Variants in PDE1C observed in about 807,000 individuals in gnomAD.
The protein encoded by PDE1C is dual specificity calcium/calmodulin-dependent 3',5'-cyclic nucleotide phosphodiesterase 1C.
Under a neutral mutation model 93.1 loss-of-function variants are expected in PDE1C, and 62 were observed. That is an observed-to-expected ratio of 0.67 (90% CI 0.54 to 0.82). PDE1C has a LOEUF of 0.82. Ranked by LOEUF, PDE1C falls within the 40% of genes least tolerant of loss-of-function variation. The pLI, the probability that PDE1C is intolerant of heterozygous loss-of-function variation, is 0.00. For synonymous variants in PDE1C, 325 were observed against 310.1 expected, an observed-to-expected ratio of 1.05 and a Z score of -0.50; for missense variants, 742 against 884.6, an observed-to-expected ratio of 0.84 and a Z score of 2.04.
intron 2 of PDE1C, among the ~76,000 whole-genome samples, chr7:31,950,644 T>C (rs1272508566): frequency 2.0e-5 from 3 of 152,188 alleles, no homozygotes; most frequent in Non-Finnish European, 4.4e-5. Context: ...GTTACAGCAA[T>C]AAACTTGAAT....
Position 31,964,861 on chromosome 7 carries a change from C to T in PDE1C, c.129-84001G>A, listed in dbSNP as rs549987615. ...CAGGCAAACAGGGTCTGGAGTGGAC[C>T]TCCGGCAAACTCCAACAGACCTACA... On this transcript the variant is annotated intron_variant, in intron 2 of 17. Transcript: ENST00000396191. 1.2e-3 allele frequency among the ~76,000 whole-genome samples: 188 copies of T among 152,310 alleles called. 1 individual carries two copies. The South Asian group carries it at 0.038, about 31-fold the overall frequency.
At chr7:31,626,715 CTTG>C in the PDE1C span, among the ~76,000 whole-genome samples, 121 of 152,296 alleles carry the variant, frequency 7.9e-4, no homozygotes, top group African/African-American at 2.6e-3. Context: ...CCCCAAAACT[CTTG>C]TTGTGGCAGT....
intron 2 of PDE1C, among the ~76,000 whole-genome samples, chr7:32,014,383 C>T (rs796779879): frequency 5.3e-5 from 8 of 152,282 alleles, no homozygotes; most frequent in Middle Eastern, 3.4e-3. Flanking sequence ...ATTGTTTTAA[C>T]GCCCACAAAT....
intron 2 of PDE1C, among the ~76,000 whole-genome samples, chr7:31,965,930 G>T (rs1010580851): frequency 6.6e-6 from 1 of 152,080 alleles, no homozygotes; most frequent in South Asian, 2.1e-4. Flanking sequence ...TCACCACCAG[G>T]CCTGCCCTAA....
chr7:32,224,500 G>A (rs1050446668), intron 1 of PDE1C, among the ~76,000 whole-genome samples: 10 of 152,044 alleles, frequency 6.6e-5, no homozygotes, highest in Admixed American at 5.2e-4. Context: ...CTCACTCCTC[G>A]GGGTTGTCAG....
the PDE1C span, among the ~76,000 whole-genome samples, chr7:31,665,267 A>C: frequency 6.6e-6 from 1 of 152,158 alleles, no homozygotes; most frequent in Admixed American, 6.5e-5. Context: ...CTTCAAAAAG[A>C]CTTCATTGAC....
At chr7:32,002,997 C>A (rs1396778014) in intron 2 of PDE1C, among the ~76,000 whole-genome samples, 1 of 152,190 alleles carries the variant, frequency 6.6e-6, no homozygotes, top group East Asian at 1.9e-4. Context: ...ATAAAGCTAA[C>A]TTATGCTCTG....
intron 2 of PDE1C, among the ~76,000 whole-genome samples, chr7:31,909,198 A>G (rs7795253): frequency 0.034 from 5,188 of 152,264 alleles, 289 homozygotes; most frequent in African/African-American, 0.12. Context: ...TAGTCAGTTC[A>G]TCGGGCTCTA....
chr7:31,793,905 G>A (rs1310651421), intron 16 of PDE1C, among the ~76,000 whole-genome samples: 2 of 151,680 alleles, frequency 1.3e-5, no homozygotes, highest in African/African-American at 2.4e-5. Flanking sequence ...CTACAGCACT[G>A]CTAAGACAAA....
chr7:31,922,123 G>A (rs1196362618), intron 2 of PDE1C, among the ~76,000 whole-genome samples: 2 of 152,132 alleles, frequency 1.3e-5, no homozygotes, highest in Admixed American at 6.5e-5. Context: ...TTCACGGCAT[G>A]AAGAATGAAA....
At chr7:32,212,025 C>CAAAAAA (rs35827566) in intron 1 of PDE1C, among the ~76,000 whole-genome samples, 1 of 81,256 alleles carries the variant, frequency 1.2e-5, no homozygotes, top group African/African-American at 4.5e-5. Flanking sequence ...GAACCTATCT[C>CAAAAAA]AAAAAAAAAA....
intron 1 of PDE1C, among the ~76,000 whole-genome samples, chr7:32,228,491 G>A (rs1032191670): frequency 4.6e-5 from 7 of 152,162 alleles, no homozygotes; most frequent in East Asian, 3.9e-4. Context: ...GAATTTGTCC[G>A]AGGGCACCCA....
In PDE1C at chr7:31,790,433, C is replaced by A. The variant is rs750894711; in HGVS notation, c.1892-14701G>T. ...CCCTTGTAACAAGATTTGTTCTATT[C>A]ATAAGGGGAAAATGTCAGTGCAAAA... On this transcript the variant is annotated intron_variant, in intron 16 of 17. Transcript: ENST00000396191. Among the ~76,000 whole-genome samples the A allele has an allele frequency of 2.0e-5, 3 of 152,020 alleles. No homozygotes were observed. The highest frequency in any genetic ancestry group is 4.4e-5 in the Non-Finnish European group (3 of 68,006).
the PDE1C span, among the ~76,000 whole-genome samples, chr7:31,660,863 A>G: frequency 6.6e-6 from 1 of 151,472 alleles, no homozygotes; most frequent in African/African-American, 2.4e-5. Flanking sequence ...ATCATGCAAT[A>G]TATATTATAT....
chr7:32,073,763 G>A (rs1261854780), upstream of PDE1C, among the ~76,000 whole-genome samples: 1 of 152,174 alleles, frequency 6.6e-6, no homozygotes, highest in African/African-American at 2.4e-5. Flanking sequence ...AAGTATGCTT[G>A]ATAGTTGCAG....
chr7:32,149,554 G>A (rs1384295894), intron 3 of PDE1C, among the ~76,000 whole-genome samples: 2 of 152,202 alleles, frequency 1.3e-5, no homozygotes, highest in Non-Finnish European at 2.9e-5. Flanking sequence ...TAACTTCAGT[G>A]TCCAGATATG....
At chr7:32,056,363 ACTG>A (rs1794089671) in intron 1 of PDE1C, among the ~76,000 whole-genome samples, 2 of 78,244 alleles carry the variant, frequency 2.6e-5, no homozygotes, top group African/African-American at 1.0e-4. Flanking sequence ...TCTCTCTCTC[ACTG>A]AAACACACAC....
chr7:31,779,483 G>A (rs1369548319), intron 16 of PDE1C, among the ~76,000 whole-genome samples: 1 of 152,112 alleles, frequency 6.6e-6, no homozygotes, highest in Admixed American at 6.5e-5. Flanking sequence ...TGTCTTCTTT[G>A]CAAACACTGA....
chr7:32,013,284 A>G (rs1004816719), intron 2 of PDE1C, among the ~76,000 whole-genome samples: 1 of 152,210 alleles, frequency 6.6e-6, no homozygotes, highest in Admixed American at 6.5e-5. Flanking sequence ...TACCAGCAAA[A>G]TAACACTCCT....
Sources: gnomAD v4.1 joint callset for allele counts (sites outside exome capture counted in the v4.1 genomes callset) on GRCh38, gnomAD v4.1.1 for gene constraint, MANE v1.5 for transcripts, NCBI Gene and HGNC (gene_info 2026-07-23, HGNC 2026-07-21) for gene names.